EML4: variants seen among roughly 807,000 people sequenced by gnomAD.
The protein encoded by EML4 is echinoderm microtubule-associated protein-like 4.
A neutral mutation model predicts 129.0 loss-of-function variants in EML4; 72 were observed. The observed-to-expected ratio is 0.56, with a 90% CI of 0.46 to 0.68. The LOEUF (loss-of-function observed/expected upper bound fraction) is 0.68, where lower values mean the gene tolerates loss of function less well. Among genes scored for constraint, EML4 ranks in the 30% least tolerant of loss-of-function variants. The pLI, the probability that EML4 is intolerant of heterozygous loss-of-function variation, is 0.00. For missense variants in EML4, 1,363 were observed against 1,190.6 expected, an observed-to-expected ratio of 1.14 and a Z score of -2.13; for synonymous variants, 532 against 405.0, an observed-to-expected ratio of 1.31 and a Z score of -3.77.
rs766046970 is a variant in EML4, at chr2:42,245,651, C to G, written c.172C>G (p.His58Asp). 1.2e-6 allele frequency: 2 copies of G among 1,611,884 alleles called. No homozygotes were observed. The highest frequency in any genetic ancestry group is 2.2e-5 in the South Asian group (2 of 90,668). Residue 58 changes from histidine to aspartate, a missense_variant, in exon 2 of 23, where the codon CAT becomes GAT. By Grantham distance (81) the His-to-Asp change is moderately conservative. Coordinates refer to ENST00000318522, the MANE Select transcript of EML4 (RefSeq NM_019063.5). ...VLRRLAISED[H>D]VASVKKSVSS... is the part of the protein sequence containing the mutation. The stretch of plus-strand genomic sequence containing the variant: ...GAGGCGTCTTGCAATCTCTGAAGAT[C>G]ATGTGGCCTCAGTGAAAAAATCAGT...
chr2:42,331,555 T>C lies in EML4; in HGVS notation c.*1348T>C. On this transcript the variant is annotated 3_prime_UTR_variant, in exon 23 of 23. Transcript: ENST00000318522. ...TGATTTTTTAACTTGCTGCATTGTT[T>C]TGATACTTTCTATTTTTTTGGTCAA... 4.5e-6 allele frequency: 1 copy of C among 224,006 alleles called. No homozygotes were observed. Among genetic ancestry groups the C allele is most frequent in the South Asian group, 1.8e-4 (1 of 5,442 alleles). The allele number at this position is 224,006 out of a possible 1,614,324, so 13.9% of individuals were successfully genotyped here.
At chr2:42,246,929 C>A (rs909504503) in intron 2 of EML4, among the ~76,000 whole-genome samples, 1 of 152,124 alleles carries the variant, frequency 6.6e-6, no homozygotes, top group Non-Finnish European at 1.5e-5. Flanking sequence ...AACTGCAAAT[C>A]AAATACCAGT....
intron 1 of EML4, among the ~76,000 whole-genome samples, chr2:42,188,481 C>G (rs778791936): frequency 6.6e-6 from 1 of 152,032 alleles, no homozygotes; most frequent in African/African-American, 2.4e-5. Context: ...CTCAGCCTCT[C>G]AAAGTGCTGG....
intron 17 of EML4, among the ~76,000 whole-genome samples, chr2:42,307,910 C>T (rs1668701166): frequency 6.6e-6 from 1 of 152,210 alleles, no homozygotes; most frequent in African/African-American, 2.4e-5. Context: ...TTGCCTGGGC[C>T]TCCCAGAGTA....
chr2:42,317,366 A>G, intron 18 of EML4, 61 bp from the exon 19 acceptor site: 2 of 1,094,204 alleles, frequency 1.8e-6, no homozygotes, highest in South Asian at 1.4e-5. Flanking sequence ...AATCAGTAAA[A>G]TAACAGTAAA....
At chr2:42,209,348 C>T (rs922924374) in intron 1 of EML4, among the ~76,000 whole-genome samples, 5 of 151,866 alleles carry the variant, frequency 3.3e-5, no homozygotes, top group Non-Finnish European at 7.4e-5. Context: ...CTTTTTATGT[C>T]GGTTATCATT....
In EML4 at chr2:42,329,815, A is replaced by G. The variant is rs1670002390; in HGVS notation, c.2554A>G (p.Thr852Ala). The G allele has an allele frequency of 3.1e-6, 5 of 1,614,024 alleles. No individual in the cohort carries two copies. The highest frequency in any genetic ancestry group is 3.3e-5 in the Admixed American group (2 of 60,000). ...FTHNDSHLIS[T>A]GGKDMSIIQW... is the part of the protein sequence containing the mutation. ...TCACAATGACAGTCACCTGATATCA[A>G]CTGGTGGAAAAGACATGAGCATCAT... Residue 852 changes from threonine to alanine, a missense_variant, in exon 23 of 23, where the codon ACT (threonine) becomes GCT (alanine). Transcript: ENST00000318522.
At position 42,331,234 on chromosome 2, in the gene EML4, TTC is replaced by T. The variant is rs1207789190; in HGVS notation, c.*1029_*1030del. 9.0e-6 allele frequency: 2 copies of T among 221,422 alleles called. No homozygotes were observed. The highest frequency in any genetic ancestry group is 1.3e-4 in the East Asian group (2 of 14,948). 13.7% of individuals were successfully genotyped at this position (221,422 alleles called of 1,614,324 possible). A position where few individuals can be genotyped will look rare whatever the true frequency, so the allele number is the denominator to read the frequency against. ...GATAAGATACTCATCAAATTGCAAA[TTC>T]TTTTTTTTACAGAAGTGTGGGTAAC... On this transcript the variant is annotated 3_prime_UTR_variant, in exon 23 of 23. Coordinates refer to ENST00000318522, the MANE Select transcript of EML4 (RefSeq NM_019063.5).
intron 1 of EML4, among the ~76,000 whole-genome samples, chr2:42,235,801 T>C (rs1001895277): frequency 1.3e-5 from 2 of 152,176 alleles, no homozygotes; most frequent in Non-Finnish European, 2.9e-5. Flanking sequence ...CCATCTAGTA[T>C]AGTTGTTTTT....
intron 1 of EML4, among the ~76,000 whole-genome samples, chr2:42,227,543 A>G (rs569605624): frequency 2.0e-5 from 3 of 150,926 alleles, no homozygotes; most frequent in Non-Finnish European, 2.9e-5. Flanking sequence ...CTGGTCCAGC[A>G]ACTCAATTTT....
chr2:42,295,214 G>C lies in EML4; in HGVS notation c.1308G>C (p.Trp436Cys), dbSNP rs1392248717. The change falls in exon 12 of 23, where the codon TGG (tryptophan) becomes TGC (cysteine). Residue 436 changes from tryptophan to cysteine, a missense_variant. Trp to Cys is a radical substitution (Grantham distance 215). Transcript: ENST00000318522. ...GCGGTAAATCTCATATTTTCTTCTG[G>C]ACCTGGAGCGGCAATTCACTAACAA... ...ITCGKSHIFFWTWSGNSLTRK... is the reference protein window; with the variant it reads ...ITCGKSHIFFCTWSGNSLTRK... The C allele has an allele frequency of 6.2e-7, 1 of 1,613,148 alleles. No homozygotes were observed. Among genetic ancestry groups the C allele is most frequent in the African/African-American group, 1.3e-5 (1 of 74,854 alleles).
At chr2:42,288,173 G>T in intron 10 of EML4, 54 bp from the exon 11 acceptor site, 1 of 726,118 alleles carries the variant, frequency 1.4e-6, no homozygotes, top group South Asian at 2.1e-5. Context: ...TTCTTTCTTA[G>T]AATGTTAGCC....
rs1238520340 is a variant in EML4, at chr2:42,331,515, A to G, written c.*1308A>G. 1 of 223,828 alleles carries G rather than the reference A, an allele frequency of 4.5e-6. No homozygotes were observed. Among genetic ancestry groups the G allele is most frequent in the African/African-American group, 2.2e-5 (1 of 44,836 alleles). The allele number at this position is 223,828 out of a possible 1,614,324, so 13.9% of individuals were successfully genotyped here. A position where few individuals can be genotyped will look rare whatever the true frequency, so the allele number is the denominator to read the frequency against. The stretch of plus-strand genomic sequence containing the variant: ...CTATATGTTTATACTTTGATTATAA[A>G]AAAGTATTTTGTTTTGATTTTTTAA... On this transcript the variant is annotated 3_prime_UTR_variant, in exon 23 of 23. Coordinates refer to ENST00000318522, the MANE Select transcript of EML4 (RefSeq NM_019063.5).
intron 6 of EML4, among the ~76,000 whole-genome samples, chr2:42,277,659 C>G (rs1407179722): frequency 6.6e-6 from 1 of 151,454 alleles, no homozygotes; most frequent in Non-Finnish European, 1.5e-5. Context: ...ACCCCCGCCT[C>G]CCAGGTTCAA....
chr2:42,282,874 C>G lies in EML4; in HGVS notation c.843C>G (p.Thr281=), dbSNP rs143102568. The change falls in exon 8 of 23, where the codon ACC becomes ACG. Residue 281 remains threonine (T), a synonymous_variant. Transcript: ENST00000318522. ...GAGCTAATGTTTACCTTCTTCCGAC[C>G]GGGAAAATAGTTTATTTCATTGCAT... ...DCRANVYLLP[T]GKIVYFIASV... is the part of the protein sequence containing the mutation. The G allele has an allele frequency of 9.3e-6, 15 of 1,612,272 alleles. No individual in the cohort carries two copies. The highest frequency in any genetic ancestry group is 5.0e-5 in the Admixed American group (3 of 59,932).
intron 17 of EML4, among the ~76,000 whole-genome samples, chr2:42,308,653 G>C (rs1668753842): frequency 6.6e-6 from 1 of 152,096 alleles, no homozygotes; most frequent in East Asian, 1.9e-4. Flanking sequence ...TAAGTTCACA[G>C]GGTTATGCAG....
intron 2 of EML4, among the ~76,000 whole-genome samples, chr2:42,249,470 A>G (rs1675627544): frequency 6.6e-6 from 1 of 152,192 alleles, no homozygotes; most frequent in Non-Finnish European, 1.5e-5. Flanking sequence ...CTGTGGTTCA[A>G]AGGACAAGTC....
intron 11 of EML4, among the ~76,000 whole-genome samples, chr2:42,291,596 G>C (rs186175164): frequency 1.4e-4 from 22 of 151,988 alleles, no homozygotes; most frequent in African/African-American, 4.8e-4. Flanking sequence ...AATAGAGTCA[G>C]AGTTTCACCA....
chr2:42,187,177 G>A (rs1293399523), intron 1 of EML4, among the ~76,000 whole-genome samples: 2 of 151,692 alleles, frequency 1.3e-5, no homozygotes, highest in African/African-American at 4.8e-5. Flanking sequence ...CCAAGTAGCT[G>A]GGACTATAGG....
Sources: allele counts gnomAD v4.1 joint callset (sites outside exome capture counted in the v4.1 genomes callset), GRCh38; gene constraint gnomAD v4.1.1; transcripts MANE v1.5; gene names NCBI Gene and HGNC (gene_info 2026-07-23, HGNC 2026-07-21).